The following COL14A1 variants were observed in gnomAD, a reference collection of about 807,000 sequenced individuals.
COL14A1 encodes the protein collagen alpha-1(XIV) chain.
Under a neutral mutation model 230.3 loss-of-function variants are expected in COL14A1, and 136 were observed. The ratio of observed to expected loss-of-function variants is 0.59; its 90% CI spans 0.51 to 0.68. The LOEUF (loss-of-function observed/expected upper bound fraction) is 0.68, where lower values mean the gene tolerates loss of function less well. Among genes scored for constraint, COL14A1 ranks in the 30% least tolerant of loss-of-function variants. The pLI is 0.00. For missense variants in COL14A1, 1,976 were observed against 2,215.8 expected (o/e 0.89, Z 2.17); for synonymous variants, 792 against 784.1 (o/e 1.01, Z -0.17).
At chr8:120,244,922 C>A in intron 20 of COL14A1, among the ~76,000 whole-genome samples, 1 of 152,136 alleles carries the variant, frequency 6.6e-6, no homozygotes, top group Non-Finnish European at 1.5e-5. Flanking sequence ...TCCTTCCGTG[C>A]CTTACAAAGA....
intron 40 of COL14A1, among the ~76,000 whole-genome samples, chr8:120,329,961 G>A (rs1395738622): frequency 6.6e-6 from 1 of 152,110 alleles, no homozygotes; most frequent in East Asian, 1.9e-4. Context: ...TAGGAACTCA[G>A]GGTCTTTCCA....
rs541335361 is a variant in COL14A1 at position 120,270,438 on chromosome 8, A to G, written c.3213+264A>G. Among the ~76,000 whole-genome samples, 4 of 151,880 alleles carry G rather than the reference A, an allele frequency of 2.6e-5. No individual in the cohort carries two copies. In the South Asian group the frequency reaches 8.3e-4, roughly 31 times the overall value. The stretch of plus-strand genomic sequence containing the variant: ...TGTCAGGGTGTTATTTTTACATACT[A>G]GGGTAGAATGTCTCCTTTAATGATA... On this transcript the variant is annotated intron_variant, in intron 26 of 47. Coordinates refer to ENST00000297848, the MANE Select transcript of COL14A1 (RefSeq NM_021110.4).
At chr8:120,156,632 G>A (rs879839100) in intron 2 of COL14A1, among the ~76,000 whole-genome samples, 8 of 152,212 alleles carry the variant, frequency 5.3e-5, no homozygotes, top group Non-Finnish European at 7.3e-5. Context: ...CGAAGATTAA[G>A]TGAGCTTTTA....
intron 14 of COL14A1, among the ~76,000 whole-genome samples, chr8:120,224,621 G>T (rs1411730566): frequency 6.6e-6 from 1 of 152,112 alleles, no homozygotes; most frequent in East Asian, 1.9e-4. Context: ...GTCTTTCTGT[G>T]GAAGATAGAG....
At position 120,154,456 on chromosome 8, in the gene COL14A1, A is replaced by G. The variant is rs141605727; in HGVS notation, c.89-3674A>G. 6.0e-4 allele frequency among the ~76,000 whole-genome samples: 92 copies of G among 152,292 alleles called. No homozygotes were observed. In the East Asian group the frequency reaches 0.016, roughly 27 times the overall value. On this transcript the variant is annotated intron_variant, in intron 2 of 47. Transcript: ENST00000297848. ...AGCACAGCAGAATAAAAATGCCCCT[A>G]CACTTTCAGTAACAAGCCTAACTCT...
chr8:120,334,641 A>C (rs1415781689), intron 42 of COL14A1, among the ~76,000 whole-genome samples: 1 of 148,000 alleles, frequency 6.8e-6, no homozygotes, highest in African/African-American at 2.5e-5. Flanking sequence ...CTTTCACTGC[A>C]AGCTTATCTA....
chr8:120,228,110 G>A (rs186437131), intron 17 of COL14A1, among the ~76,000 whole-genome samples: 20 of 152,196 alleles, frequency 1.3e-4, no homozygotes, highest in African/African-American at 2.6e-4. Flanking sequence ...ATCCCCAGTC[G>A]CTGGAGGTGA....
chr8:120,338,944 A>G (rs1186422651), intron 42 of COL14A1, among the ~76,000 whole-genome samples: 6 of 152,224 alleles, frequency 3.9e-5, no homozygotes, highest in Admixed American at 3.9e-4. Flanking sequence ...AAATGAGGGA[A>G]GAAGGCACAG....
rs374097662 is a variant in COL14A1, at chr8:120,300,961, G to A, written c.4401+143G>A. 2.9e-4 allele frequency: 197 copies of A among 687,060 alleles called. No individual in the cohort carries two copies. The East Asian group carries it at 4.9e-3, about 17-fold the overall frequency. 42.6% of individuals were successfully genotyped at this position (687,060 alleles called of 1,614,324 possible). A position where few individuals can be genotyped will look rare whatever the true frequency, so the allele number is the denominator to read the frequency against. ...ATGCAGTGAGACACAGAGATGTTAAGTAACTTGATTAAAGAACACAGCTTG... is the reference window on the plus strand; with the variant it reads ...ATGCAGTGAGACACAGAGATGTTAAATAACTTGATTAAAGAACACAGCTTG... On this transcript the variant is annotated intron_variant, in intron 36 of 47. Coordinates refer to ENST00000297848, the MANE Select transcript of COL14A1 (RefSeq NM_021110.4).
At chr8:120,266,508 G>T (rs1033980782) in intron 24 of COL14A1, among the ~76,000 whole-genome samples, 1 of 152,042 alleles carries the variant, frequency 6.6e-6, no homozygotes, top group East Asian at 1.9e-4. Flanking sequence ...AACAGGAGAC[G>T]AACTTTCAAA....
At chr8:120,341,202 A>AT (rs1301566513) in intron 42 of COL14A1, 123 bp from the exon 43 acceptor site, 6 of 923,656 alleles carry the variant, frequency 6.5e-6, no homozygotes, top group Non-Finnish European at 1.1e-5. Context: ...TTGTGTAATG[A>AT]TTTTTGCTGC....
intron 40 of COL14A1, among the ~76,000 whole-genome samples, chr8:120,327,521 G>C (rs994609021): frequency 6.6e-6 from 1 of 152,124 alleles, no homozygotes; most frequent in Non-Finnish European, 1.5e-5. Flanking sequence ...AAGGATCTGG[G>C]TCTGCTTCTA....
rs1820192247 is a variant in COL14A1 at position 120,286,099 on chromosome 8, A to T, written c.4077+129A>T. ...GTGAGAATTTCCTTTGTGCTTGTTA[A>T]CAATACCTGTGCTTGTTAACAGATT... On this transcript the variant is annotated intron_variant, in intron 33 of 47. Transcript: ENST00000297848. 4 of 636,978 alleles carry T rather than the reference A, an allele frequency of 6.3e-6. No homozygotes were observed. In the South Asian group the frequency reaches 7.7e-5, roughly 12 times the overall value. 39.5% of individuals were successfully genotyped at this position (636,978 alleles called of 1,614,324 possible). A position where few individuals can be genotyped will look rare whatever the true frequency, so the allele number is the denominator to read the frequency against.
rs1439052806 is a variant in COL14A1 at position 120,298,811 on chromosome 8, C to T, written c.4314+1223C>T. Among the ~76,000 whole-genome samples the T allele has an allele frequency of 2.0e-4, 30 of 151,026 alleles. 1 individual carries two copies. In the East Asian group the frequency reaches 5.9e-3, roughly 30 times the overall value. On this transcript the variant is annotated intron_variant, in intron 35 of 47. Coordinates refer to ENST00000297848, the MANE Select transcript of COL14A1 (RefSeq NM_021110.4). ...GACCTTATAACCGTATTAGTTTGTT[C>T]TCATGCTGCTAATAAAGACATACCC... is the stretch of plus-strand genomic sequence containing the variant.
intron 14 of COL14A1, 81 bp from the exon 15 acceptor site, chr8:120,225,007 A>G: frequency 1.5e-6 from 2 of 1,358,070 alleles, no homozygotes; most frequent in Non-Finnish European, 2.0e-6. Context: ...GCTGTCAGCT[A>G]AGCGAGCTAC....
intron 42 of COL14A1, among the ~76,000 whole-genome samples, chr8:120,333,581 C>T (rs1410801428): frequency 6.6e-6 from 1 of 152,198 alleles, no homozygotes; most frequent in East Asian, 1.9e-4. Context: ...ATGGAAGCAT[C>T]TAGTGAATTA....
chr8:120,261,306 T>C (rs184274311), intron 23 of COL14A1, among the ~76,000 whole-genome samples: 1 of 152,334 alleles, frequency 6.6e-6, no homozygotes, highest in East Asian at 1.9e-4. Flanking sequence ...TTCTGACCTT[T>C]AGTTTCTTCT....
At chr8:120,137,112 A>G (rs1814740140) in intron 1 of COL14A1, among the ~76,000 whole-genome samples, 1 of 152,092 alleles carries the variant, frequency 6.6e-6, no homozygotes, top group Non-Finnish European at 1.5e-5. Flanking sequence ...CCTTGTGGAA[A>G]TATTTTTTAA....
chr8:120,311,866 G>A (rs1345270855), intron 37 of COL14A1, among the ~76,000 whole-genome samples: 1 of 152,126 alleles, frequency 6.6e-6, no homozygotes, highest in African/African-American at 2.4e-5. Context: ...GGAGGCCGAG[G>A]CAAGTGGATC....
Sources: gnomAD v4.1 joint callset for allele counts (sites outside exome capture counted in the v4.1 genomes callset) on GRCh38, gnomAD v4.1.1 for gene constraint, MANE v1.5 for transcripts, NCBI Gene and HGNC (gene_info 2026-07-23, HGNC 2026-07-21) for gene names.